Variants in CNGB3 observed in about 807,000 individuals in gnomAD.
CNGB3 encodes cyclic nucleotide gated channel subunit beta 3.
Under a neutral mutation model 92.8 loss-of-function variants are expected in CNGB3, and 86 were observed. The ratio of observed to expected loss-of-function variants is 0.93; its 90% CI spans 0.78 to 1.11. The LOEUF (loss-of-function observed/expected upper bound fraction) is 1.11. Among genes scored for constraint, CNGB3 ranks in the 50% least tolerant of loss-of-function variants. The pLI, the probability that CNGB3 is intolerant of heterozygous loss-of-function variation, is 0.00. For missense variants in CNGB3, 1,026 were observed against 956.8 expected (o/e 1.07, Z -0.95); for synonymous variants, 333 against 332.7 (o/e 1.00, Z -0.01).
At chr8:86,635,820 TGATA>T (rs1425174197) in intron 10 of CNGB3, among the ~76,000 whole-genome samples, 8 of 62,136 alleles carry the variant, frequency 1.3e-4, no homozygotes, top group Admixed American at 1.1e-3. Flanking sequence ...GTATAACACA[TGATA>T]TATATATATA....
chr8:86,635,820 TGATATATATATA>T (rs1173813160), intron 10 of CNGB3, among the ~76,000 whole-genome samples: 8 of 62,142 alleles, frequency 1.3e-4, no homozygotes, highest in Middle Eastern at 0.014. Context: ...GTATAACACA[TGATATATATATA>T]TATATATATA....
intron 13 of CNGB3, among the ~76,000 whole-genome samples, chr8:86,625,219 C>T (rs1198758398): frequency 6.6e-6 from 1 of 152,164 alleles, no homozygotes; most frequent in East Asian, 1.9e-4. Flanking sequence ...CACCTCCACA[C>T]ATTTTATGCG....
intron 1 of CNGB3, among the ~76,000 whole-genome samples, chr8:86,741,316 A>T (rs1360708232): frequency 6.6e-6 from 1 of 152,148 alleles, no homozygotes; most frequent in Non-Finnish European, 1.5e-5. Flanking sequence ...TTTTTCCCAT[A>T]CCCACATGTT....
chr8:86,688,833 G>A (rs1320862654), intron 3 of CNGB3, among the ~76,000 whole-genome samples: 1 of 151,414 alleles, frequency 6.6e-6, no homozygotes, highest in African/African-American at 2.4e-5. Context: ...TTGTTTTACT[G>A]TACTGATTTT....
intron 12 of CNGB3, among the ~76,000 whole-genome samples, chr8:86,628,285 T>C (rs1399639604): frequency 6.6e-6 from 1 of 152,208 alleles, no homozygotes; most frequent in Admixed American, 6.5e-5. Flanking sequence ...TTTGCCATGT[T>C]GGCCAGGCTG....
chr8:86,618,802 A>G (rs1238150037), intron 13 of CNGB3, among the ~76,000 whole-genome samples: 1 of 152,228 alleles, frequency 6.6e-6, no homozygotes, highest in Non-Finnish European at 1.5e-5. Context: ...TGTGGAGTAA[A>G]TATGTGATGA....
Position 86,643,741 on chromosome 8 carries a change from C to T in CNGB3, c.1178+10G>A. 6.2e-7 allele frequency: 1 copy of T among 1,603,990 alleles called. No individual in the cohort carries two copies. Among genetic ancestry groups the T allele is most frequent in the Non-Finnish European group, 8.5e-7 (1 of 1,173,668 alleles). On this transcript the variant is annotated intron_variant, in intron 10 of 17. Coordinates refer to ENST00000320005, the MANE Select transcript of CNGB3 (RefSeq NM_019098.5). ...AATCAATAAAGGTTTCTTTCAAAAT[C>T]AGAACTTACTCGTTTCCTTCCCCAT...
chr8:86,600,138 C>A (rs188171558), intron 15 of CNGB3, among the ~76,000 whole-genome samples: 87 of 152,212 alleles, frequency 5.7e-4, no homozygotes, highest in African/African-American at 2.0e-3. Context: ...GGATTTTGCC[C>A]GATAAACGTT....
intron 3 of CNGB3, among the ~76,000 whole-genome samples, chr8:86,708,901 A>G (rs1196867528): frequency 6.6e-6 from 1 of 152,110 alleles, no homozygotes; most frequent in Non-Finnish European, 1.5e-5. Flanking sequence ...TCAGAAGAAC[A>G]TGGGAGTAGA....
At chr8:86,713,847 TA>T (rs1000300386) in intron 3 of CNGB3, among the ~76,000 whole-genome samples, 1 of 152,106 alleles carries the variant, frequency 6.6e-6, no homozygotes, top group African/African-American at 2.4e-5. Flanking sequence ...CTTTCCGACT[TA>T]AAAAAATATA....
Position 86,643,036 on chromosome 8 carries a change from C to T in CNGB3, c.1178+715G>A, listed in dbSNP as rs146880029. Among the ~76,000 whole-genome samples the T allele has an allele frequency of 2.6e-5, 4 of 151,402 alleles. No homozygotes were observed. In the East Asian group the frequency reaches 5.8e-4, roughly 22 times the overall value. On this transcript the variant is annotated intron_variant, in intron 10 of 17. Coordinates refer to ENST00000320005, the MANE Select transcript of CNGB3 (RefSeq NM_019098.5). ...ACCTTACTGCTCAGTTGTCTAGAGG[C>T]TTTCAAACTTTTTTGATCATGATCC...
intron 3 of CNGB3, among the ~76,000 whole-genome samples, chr8:86,700,715 T>C (rs1824539418): frequency 6.6e-6 from 1 of 152,196 alleles, no homozygotes; most frequent in Non-Finnish European, 1.5e-5. Flanking sequence ...CTCGGCTCAC[T>C]GCAACCTCCA....
intron 3 of CNGB3, among the ~76,000 whole-genome samples, chr8:86,681,209 A>G (rs1171318151): frequency 6.6e-6 from 1 of 152,228 alleles, no homozygotes; most frequent in Non-Finnish European, 1.5e-5. Flanking sequence ...AAGGTAGGAA[A>G]GTATATCTAT....
intron 12 of CNGB3, among the ~76,000 whole-genome samples, chr8:86,626,663 C>T (rs2131580927): frequency 6.6e-6 from 1 of 152,160 alleles, no homozygotes; most frequent in East Asian, 1.9e-4. Flanking sequence ...GTAGGTGGCT[C>T]AGCTGGGATG....
Position 86,598,571 on chromosome 8 carries a change from A to G in CNGB3, c.1781+5522T>C, listed in dbSNP as rs888021598. Among the ~76,000 whole-genome samples the G allele has an allele frequency of 2.0e-5, 3 of 152,354 alleles. No individual in the cohort carries two copies. In the East Asian group the frequency reaches 5.8e-4, roughly 29 times the overall value. ...TTATTATCTCACAGTTCTGGAGGCC[A>G]GAAGTCCAAAATCAAAATATCAGCA... On this transcript the variant is annotated intron_variant, in intron 15 of 17. Transcript: ENST00000320005.
At chr8:86,696,178 C>T (rs557484967) in intron 3 of CNGB3, among the ~76,000 whole-genome samples, 1 of 152,272 alleles carries the variant, frequency 6.6e-6, no homozygotes, top group South Asian at 2.1e-4. Flanking sequence ...CTCTGATTAG[C>T]CAGGGCGTTG....
Position 86,643,892 on chromosome 8 carries a change from G to A in CNGB3, c.1056-19C>T. ...AATAACTCTGTCAGAGAGAATAGAT[G>A]CAAAGTAAGATTCATGTTGTTTCTG... On this transcript the variant is annotated intron_variant, in intron 9 of 17. Transcript: ENST00000320005. The A allele has an allele frequency of 6.2e-7, 1 of 1,600,468 alleles. No individual in the cohort carries two copies. The highest frequency in any genetic ancestry group is 8.5e-7 in the Non-Finnish European group (1 of 1,171,048).
intron 2 of CNGB3, among the ~76,000 whole-genome samples, chr8:86,732,861 A>G (rs1825179811): frequency 6.6e-6 from 1 of 152,208 alleles, no homozygotes; most frequent in Admixed American, 6.5e-5. Flanking sequence ...TGGATGAAGG[A>G]AATAAATATG....
chr8:86,715,143 G>A (rs887870813), intron 3 of CNGB3, among the ~76,000 whole-genome samples: 2 of 151,938 alleles, frequency 1.3e-5, no homozygotes, highest in Non-Finnish European at 2.9e-5. Context: ...ACTTAACCAG[G>A]CAACCCTAGG....
Sources: gnomAD v4.1 joint callset for allele counts (sites outside exome capture counted in the v4.1 genomes callset) on GRCh38, gnomAD v4.1.1 for gene constraint, MANE v1.5 for transcripts, NCBI Gene and HGNC (gene_info 2026-07-23, HGNC 2026-07-21) for gene names.